PHF12: variants seen among roughly 807,000 people sequenced by gnomAD.
PHF12 encodes the protein PHD finger protein 12, also known as PHD factor 1.
In PHF12, 6 loss-of-function variants were observed where a neutral mutation model predicts 99.8. The ratio of observed to expected loss-of-function variants is 0.06; its 90% CI spans 0.03 to 0.12. PHF12 has a LOEUF of 0.12. Ranked by LOEUF, PHF12 falls within the 10% of genes least tolerant of loss-of-function variation. The probability of loss-of-function intolerance (pLI) is 1.00; values close to 1 mark genes in which losing one functional copy is unlikely to be tolerated. For synonymous variants in PHF12, 480 were observed against 514.9 expected, an observed-to-expected ratio of 0.93 and a Z score of 0.92; for missense variants, 954 against 1,300.1, an observed-to-expected ratio of 0.73 and a Z score of 4.09.
intron 6 of PHF12, among the ~76,000 whole-genome samples, chr17:28,918,060 G>C (rs2040094048): frequency 6.6e-6 from 1 of 152,190 alleles, no homozygotes. Context: ...AGAAAAGAAA[G>C]AAGAGTTTCT....
At chr17:28,933,552 GTTT>G in intron 2 of PHF12, among the ~76,000 whole-genome samples, 1 of 152,276 alleles carries the variant, frequency 6.6e-6, no homozygotes, top group Non-Finnish European at 1.5e-5. Flanking sequence ...AGCCCAAGTT[GTTT>G]TTTAAGAACC....
rs1228912436 is a variant in PHF12, at chr17:28,924,215, C to G, written c.409G>C (p.Asp137His). The change falls in exon 4 of 15, where the codon GAC becomes CAC. Residue 137 changes from aspartate (D) to histidine (H), a missense_variant. By Grantham distance (81) the Asp-to-His change is moderately conservative. Coordinates refer to ENST00000332830, the MANE Select transcript of PHF12 (RefSeq NM_001033561.2). ...TTGCTGGCCGATCTGTCCAACAAGT[C>G]AGTGTCACTGCTGGGGGATGTAGTC... is the stretch of plus-strand genomic sequence containing the variant. Reference protein sequence around the residue: ...KRTTSPSSDTDLLDRSASKTE... With the variant: ...KRTTSPSSDTHLLDRSASKTE... The G allele has an allele frequency of 6.2e-7, 1 of 1,614,214 alleles. No homozygotes were observed.
At chr17:28,942,955 C>T (rs749602806) in intron 2 of PHF12, among the ~76,000 whole-genome samples, 94 of 151,974 alleles carry the variant, frequency 6.2e-4, no homozygotes, top group Non-Finnish European at 1.1e-3. Context: ...ATAAAGAACT[C>T]TCATAACTCA....
rs772329999 is a variant in PHF12, at chr17:28,907,006, G to A, written c.2542-12C>T. 3 of 1,599,148 alleles carry A rather than the reference G, an allele frequency of 1.9e-6. 1 individual carries two copies. Among genetic ancestry groups the A allele is most frequent in the South Asian group, 2.3e-5 (2 of 88,432 alleles). On this transcript the variant is annotated splice_polypyrimidine_tract_variant and intron_variant, in intron 13 of 14. Transcript: ENST00000332830. ...TAATGTTTGGTATTCTGAGGAGGAG[G>A]AGGGGAGATAAGATGTGTGGTCTGC...
At chr17:28,907,736 G>C in intron 12 of PHF12, 64 bp from the exon 13 acceptor site, 1 of 1,509,948 alleles carries the variant, frequency 6.6e-7, no homozygotes, top group East Asian at 2.3e-5. Context: ...GCATGTGTCG[G>C]GGAGGTAAGA....
At chr17:28,936,581 G>A (rs912339902) in intron 2 of PHF12, among the ~76,000 whole-genome samples, 3 of 152,142 alleles carry the variant, frequency 2.0e-5, no homozygotes, top group African/African-American at 4.8e-5. Flanking sequence ...GTCAGAACCC[G>A]TAATTCTTCA....
intron 2 of PHF12, among the ~76,000 whole-genome samples, chr17:28,948,653 C>T (rs1281572746): frequency 6.6e-6 from 1 of 152,156 alleles, no homozygotes; most frequent in Non-Finnish European, 1.5e-5. Context: ...TGTTCCCAAA[C>T]CTGCAATTAG....
rs2040798470 is a variant in PHF12, at chr17:28,950,883, G to A, written c.66+12C>T. On this transcript the variant is annotated intron_variant, in intron 1 of 14. Transcript: ENST00000332830. The surrounding 1 kb of genome is among the most constrained non-coding windows in gnomAD (Gnocchi z 5.7). ...GGCGCTGGAGGAAGGAGATGAGGAGGGCCACTCTTACCTCCATCAGCCCCC... is the reference window on the plus strand; with the variant it reads ...GGCGCTGGAGGAAGGAGATGAGGAGAGCCACTCTTACCTCCATCAGCCCCC... The A allele has an allele frequency of 6.2e-7, 1 of 1,612,470 alleles. No individual in the cohort carries two copies. Among genetic ancestry groups the A allele is most frequent in the Non-Finnish European group, 8.5e-7 (1 of 1,179,184 alleles).
intron 9 of PHF12, chr17:28,911,994 T>C: frequency 1.3e-6 from 1 of 771,622 alleles, no homozygotes; most frequent in African/African-American, 1.9e-5. Context: ...TGCTGCTGTC[T>C]AGCCCTGCTT....
intron 6 of PHF12, among the ~76,000 whole-genome samples, chr17:28,918,429 G>A (rs961823317): frequency 6.6e-6 from 1 of 152,232 alleles, no homozygotes; most frequent in African/African-American, 2.4e-5. Flanking sequence ...TCTCTTCCAT[G>A]TGTGCAAGTC....
intron 4 of PHF12, among the ~76,000 whole-genome samples, chr17:28,922,663 A>G (rs1037610306): frequency 2.6e-5 from 4 of 152,228 alleles, no homozygotes; most frequent in Non-Finnish European, 4.4e-5. Flanking sequence ...CTGAAGCACT[A>G]CCAGTAGTAA....
chr17:28,945,959 C>A (rs2040713989), intron 2 of PHF12, among the ~76,000 whole-genome samples: 1 of 152,158 alleles, frequency 6.6e-6, no homozygotes. Context: ...CACGGTGAAA[C>A]CCTGTCTCTA....
chr17:28,951,235 G>A lies in PHF12; in HGVS notation c.-275C>T. 7.5e-7 allele frequency: 1 copy of A among 1,328,952 alleles called. No individual in the cohort carries two copies. Among genetic ancestry groups the A allele is most frequent in the Non-Finnish European group, 9.6e-7 (1 of 1,037,804 alleles). The allele number at this position is 1,328,952 out of a possible 1,614,324, so 82.3% of individuals were successfully genotyped here. On this transcript the variant is annotated 5_prime_UTR_variant, in exon 1 of 15. Coordinates refer to ENST00000332830, the MANE Select transcript of PHF12 (RefSeq NM_001033561.2). ...CGGCTCCGGGGGTCAGGCCTCGGCG[G>A]GGCCTAGTCCCACAGGCTAAAGCCG...
At chr17:28,923,519 A>T (rs530386986) in intron 4 of PHF12, among the ~76,000 whole-genome samples, 1 of 151,236 alleles carries the variant, frequency 6.6e-6, no homozygotes, top group African/African-American at 2.4e-5. Context: ...TTAGCCAGGC[A>T]TGGTAGCATG....
chr17:28,919,114 G>A (rs756850283), intron 6 of PHF12, 29 bp downstream of exon 6: 1 of 1,601,792 alleles, frequency 6.2e-7, no homozygotes. Context: ...TATGCCCATT[G>A]AGGACTGAAT....
At chr17:28,931,380 C>T (rs1211070028) in intron 2 of PHF12, among the ~76,000 whole-genome samples, 2 of 151,680 alleles carry the variant, frequency 1.3e-5, no homozygotes, top group Non-Finnish European at 2.9e-5. Context: ...CTCAGCCTCC[C>T]GAGTAGCTGG....
chr17:28,948,541 GC>G (rs1467281493), intron 2 of PHF12, among the ~76,000 whole-genome samples: 1 of 152,208 alleles, frequency 6.6e-6, no homozygotes, highest in Non-Finnish European at 1.5e-5. Context: ...GGGATGGGGT[GC>G]CCTCCTGGGC....
intron 2 of PHF12, among the ~76,000 whole-genome samples, chr17:28,941,827 G>A (rs564336094): frequency 2.0e-5 from 3 of 152,004 alleles, no homozygotes; most frequent in African/African-American, 4.8e-5. Context: ...GGCTGGTCTC[G>A]AACTCCTGAC....
At position 28,934,757 on chromosome 17, in the gene PHF12, C is replaced by T. The variant is rs753026835; in HGVS notation, c.249-7694G>A. On this transcript the variant is annotated intron_variant, in intron 2 of 14. Coordinates refer to ENST00000332830, the MANE Select transcript of PHF12 (RefSeq NM_001033561.2). ...CTGGGATTACAGGCACCCGCCACCA[C>T]GCCCAGCTACTTTTTGTATTTTTAG... Among the ~76,000 whole-genome samples the T allele has an allele frequency of 1.6e-4, 25 of 152,214 alleles. No individual in the cohort carries two copies. The South Asian group carries it at 1.7e-3, about 10-fold the overall frequency.
Sources: allele counts gnomAD v4.1 joint callset (sites outside exome capture counted in the v4.1 genomes callset), GRCh38; gene constraint gnomAD v4.1.1; non-coding constraint Gnocchi (gnomAD v3.1); transcripts MANE v1.5; gene names NCBI Gene and HGNC (gene_info 2026-07-23, HGNC 2026-07-21).